The following WWC1 variants were observed in gnomAD, a reference collection of about 807,000 sequenced individuals.
The protein encoded by WWC1 is protein KIBRA.
Under a neutral mutation model 138.4 loss-of-function variants are expected in WWC1, and 55 were observed. The ratio of observed to expected loss-of-function variants is 0.40; its 90% CI spans 0.32 to 0.50. The LOEUF (loss-of-function observed/expected upper bound fraction) is 0.50, where lower values mean the gene tolerates loss of function less well. Ranked by LOEUF, WWC1 falls within the 20% of genes least tolerant of loss-of-function variation. The probability of loss-of-function intolerance (pLI) is 0.72; values close to 1 mark genes in which losing one functional copy is unlikely to be tolerated. For missense variants in WWC1, 1,226 were observed against 1,420.4 expected, an observed-to-expected ratio of 0.86 and a Z score of 2.20; for synonymous variants, 524 against 564.9, an observed-to-expected ratio of 0.93 and a Z score of 1.03.
intron 3 of WWC1, among the ~76,000 whole-genome samples, chr5:168,388,834 A>C (rs1044067188): frequency 2.0e-5 from 3 of 151,912 alleles, no homozygotes; most frequent in Non-Finnish European, 4.4e-5. Context: ...CATCTCAAAA[A>C]AAAAAACAAA....
intron 2 of WWC1, among the ~76,000 whole-genome samples, chr5:168,372,799 T>G (rs2152808539): frequency 6.6e-6 from 1 of 152,356 alleles, no homozygotes; most frequent in East Asian, 1.9e-4. Context: ...TGTATTATAA[T>G]CATTTGCCTG....
At chr5:168,422,364 C>T (rs1311914997) in intron 10 of WWC1, among the ~76,000 whole-genome samples, 1 of 152,228 alleles carries the variant, frequency 6.6e-6, no homozygotes, top group Non-Finnish European at 1.5e-5. Context: ...TGTCATGGCT[C>T]ACACCTGTAA....
intron 21 of WWC1, among the ~76,000 whole-genome samples, chr5:168,466,260 A>C (rs927044830): frequency 2.0e-5 from 3 of 152,220 alleles, no homozygotes; most frequent in Non-Finnish European, 2.9e-5. Flanking sequence ...CCAGACTGCC[A>C]TGAAGAAATA....
In WWC1 at chr5:168,313,345, C is replaced by T. The variant is rs1445084440; in HGVS notation, c.119+21074C>T. ...AGTGCTCATGCCTGTAGTCCCAGAA[C>T]TTTGGGAGGCCGAGATGGGTGGGTC... On this transcript the variant is annotated intron_variant, in intron 1 of 22. Coordinates refer to ENST00000265293, the MANE Select transcript of WWC1 (RefSeq NM_015238.3). Among the ~76,000 whole-genome samples, 6 of 152,032 alleles carry T rather than the reference C, an allele frequency of 3.9e-5. No individual in the cohort carries two copies. The East Asian group carries it at 1.2e-3, about 30-fold the overall frequency.
Position 168,428,689 on chromosome 5 carries a change from T to TC in WWC1, c.1920-14dup, listed in dbSNP as rs774469041. The TC allele has an allele frequency of 8.1e-5, 130 of 1,613,634 alleles. No homozygotes were observed. In the African/African-American group the frequency reaches 1.6e-3, roughly 20 times the overall value. On this transcript the variant is annotated splice_polypyrimidine_tract_variant and intron_variant, in intron 12 of 22. Transcript: ENST00000265293. The stretch of plus-strand genomic sequence containing the variant: ...CACTGTAGGGAAGCCTAACTCCTCC[T>TC]CCCCTGTTGCCTTTCAGACTGGGTG...
intron 6 of WWC1, 109 bp downstream of exon 6, chr5:168,406,436 C>G (rs926897460): frequency 6.9e-7 from 1 of 1,452,988 alleles, no homozygotes; most frequent in Admixed American, 2.0e-5. Flanking sequence ...ACTGAGTTCT[C>G]ATTACCAGTC....
At chr5:168,447,218 G>C (rs1755358653) in intron 17 of WWC1, among the ~76,000 whole-genome samples, 2 of 152,156 alleles carry the variant, frequency 1.3e-5, no homozygotes, top group African/African-American at 4.8e-5. Flanking sequence ...TGACCTGGAG[G>C]AAACATTCAA....
chr5:168,403,491 G>A (rs1779542176), intron 5 of WWC1, among the ~76,000 whole-genome samples: 2 of 152,136 alleles, frequency 1.3e-5, no homozygotes, highest in Non-Finnish European at 2.9e-5. Context: ...TCTGGACCAC[G>A]AATCCATATT....
At chr5:168,347,187 A>G (rs955957422) in intron 1 of WWC1, among the ~76,000 whole-genome samples, 3 of 152,180 alleles carry the variant, frequency 2.0e-5, no homozygotes, top group African/African-American at 7.2e-5. Context: ...TAAAGCCAGC[A>G]TCTCTCCAGT....
At chr5:168,383,582 G>A (rs1582106896) in intron 2 of WWC1, among the ~76,000 whole-genome samples, 1 of 152,220 alleles carries the variant, frequency 6.6e-6, no homozygotes. Context: ...AGCAGACCAG[G>A]TTTTGACAGA....
intron 1 of WWC1, among the ~76,000 whole-genome samples, chr5:168,338,427 G>C (rs1367253495): frequency 6.7e-6 from 1 of 150,368 alleles, no homozygotes; most frequent in African/African-American, 2.4e-5. Flanking sequence ...TTTTTTTGGG[G>C]GGGGATTGAG....
chr5:168,321,844 T>A (rs537495251), intron 1 of WWC1, among the ~76,000 whole-genome samples: 1 of 152,260 alleles, frequency 6.6e-6, no homozygotes, highest in South Asian at 2.1e-4. Context: ...GCCGGTGATA[T>A]CCTTTTCTTT....
At chr5:168,385,900 A>G (rs1778007632) in intron 3 of WWC1, among the ~76,000 whole-genome samples, 1 of 151,500 alleles carries the variant, frequency 6.6e-6, no homozygotes, top group South Asian at 2.1e-4. Context: ...GCTTCCCCTC[A>G]CTCTTTCCAT....
intron 1 of WWC1, among the ~76,000 whole-genome samples, chr5:168,326,214 G>GTTTTTTTTTTTTTT (rs1772519891): frequency 1.8e-5 from 2 of 111,720 alleles, no homozygotes; most frequent in African/African-American, 6.5e-5. Flanking sequence ...CGACCTGATA[G>GTTTTTTTTTTTTTT]TCTTTTTTTT....
intron 2 of WWC1, among the ~76,000 whole-genome samples, chr5:168,382,221 T>A (rs1195717071): frequency 6.6e-6 from 1 of 152,154 alleles, no homozygotes; most frequent in Non-Finnish European, 1.5e-5. Context: ...CATTTGGAGA[T>A]GAAAACAAGT....
At chr5:168,463,183 CT>C (rs1298175112) in intron 20 of WWC1, among the ~76,000 whole-genome samples, 1 of 152,206 alleles carries the variant, frequency 6.6e-6, no homozygotes, top group Non-Finnish European at 1.5e-5. Context: ...ACAGTTTCCG[CT>C]GGTCAGGAGC....
chr5:168,304,607 TGAATCAGAAACTCTGGGGGTACA>T (rs756041526), intron 1 of WWC1, among the ~76,000 whole-genome samples: 40 of 152,150 alleles, frequency 2.6e-4, no homozygotes, highest in Middle Eastern at 3.2e-3. Flanking sequence ...TCAGACCAAC[TGAATCAGAAACTCTGGGGGTACA>T]GCTCAGCAAT....
intron 1 of WWC1, among the ~76,000 whole-genome samples, chr5:168,309,227 A>G (rs1770838376): frequency 6.8e-6 from 1 of 146,514 alleles, no homozygotes; most frequent in Non-Finnish European, 1.5e-5. Context: ...TGTGTCCCCA[A>G]GCCTTCAACC....
At chr5:168,409,654 T>C (rs1197125392) in intron 7 of WWC1, among the ~76,000 whole-genome samples, 1 of 151,968 alleles carries the variant, frequency 6.6e-6, no homozygotes, top group African/African-American at 2.4e-5. Flanking sequence ...AGCCAAGCCA[T>C]TTGGGGCTGC....
Sources: allele counts gnomAD v4.1 joint callset (sites outside exome capture counted in the v4.1 genomes callset), GRCh38; gene constraint gnomAD v4.1.1; transcripts MANE v1.5; gene names NCBI Gene and HGNC (gene_info 2026-07-23, HGNC 2026-07-21).